The following XYLT1 variants were observed in gnomAD, a reference collection of about 807,000 sequenced individuals.
XYLT1 encodes beta-D-xylosyltransferase 1.
In XYLT1, 36 loss-of-function variants were observed where a neutral mutation model predicts 91.3. That is an observed-to-expected ratio of 0.39 (90% CI 0.30 to 0.52). The LOEUF is 0.52. XYLT1 is among the 20% of genes least tolerant of loss of function. XYLT1 has a pLI of 0.68. For synonymous variants in XYLT1, 588 were observed against 532.0 expected (o/e 1.11, Z -1.45); for missense variants, 1,242 against 1,284.5 (o/e 0.97, Z 0.51).
At chr16:17,132,343 A>C (rs2030515429) in intron 9 of XYLT1, among the ~76,000 whole-genome samples, 1 of 152,098 alleles carries the variant, frequency 6.6e-6, no homozygotes. Flanking sequence ...AGTGTCATAG[A>C]GGAGGTGGTC....
intron 3 of XYLT1, among the ~76,000 whole-genome samples, chr16:17,207,117 G>T (rs139313635): frequency 6.8e-4 from 99 of 145,250 alleles, no homozygotes; most frequent in African/African-American, 2.5e-3. Flanking sequence ...GAGTGCAATG[G>T]TGCAATCTTG....
chr16:17,465,889 T>C (rs538649437), intron 1 of XYLT1, among the ~76,000 whole-genome samples: 3 of 152,096 alleles, frequency 2.0e-5, no homozygotes, highest in Non-Finnish European at 4.4e-5. Context: ...CCCTATGAGG[T>C]AGCTCAGATT....
intron 11 of XYLT1, among the ~76,000 whole-genome samples, chr16:17,111,448 T>C (rs1259057468): frequency 2.0e-5 from 3 of 152,198 alleles, no homozygotes; most frequent in Non-Finnish European, 4.4e-5. Context: ...CTTTACCAAA[T>C]CAGGCTTTGC....
chr16:17,284,880 T>C (rs907955899), intron 2 of XYLT1, among the ~76,000 whole-genome samples: 7 of 152,152 alleles, frequency 4.6e-5, no homozygotes, highest in South Asian at 2.1e-4. Context: ...ATATGGAGAA[T>C]AGACTCATAC....
At chr16:17,216,523 C>CAAA in intron 3 of XYLT1, among the ~76,000 whole-genome samples, 1 of 152,268 alleles carries the variant, frequency 6.6e-6, no homozygotes, top group African/African-American at 2.4e-5. Context: ...GACATTTCTC[C>CAAA]AAATCGTTTC....
intron 1 of XYLT1, among the ~76,000 whole-genome samples, chr16:17,469,620 C>T (rs1264181647): frequency 6.6e-6 from 1 of 152,248 alleles, no homozygotes; most frequent in Non-Finnish European, 1.5e-5. Context: ...AGAGCCCTGA[C>T]TGTTCACACC....
Position 17,134,501 on chromosome 16 carries a change from G to A in XYLT1, c.1999C>T (p.Leu667=), listed in dbSNP as rs1433507585. 1.9e-6 allele frequency: 3 copies of A among 1,614,018 alleles called. No individual in the cohort carries two copies. Among genetic ancestry groups the A allele is most frequent in the African/African-American group, 2.7e-5 (2 of 74,928 alleles). The change falls in exon 9 of 12, where the codon CTG becomes TTG. Residue 667 remains leucine, a synonymous_variant. Coordinates refer to ENST00000261381, the MANE Select transcript of XYLT1 (RefSeq NM_022166.4). ...CAGCTGTTCTCCCCATCCGTGTGCA[G>A]GGACGTCTCGGCCCGTCGAAGACCC... ...RLGLRRAETS[L]HTDGENSCRY...
At chr16:17,145,528 C>T in intron 6 of XYLT1, among the ~76,000 whole-genome samples, 1 of 152,166 alleles carries the variant, frequency 6.6e-6, no homozygotes, top group African/African-American at 2.4e-5. Context: ...ATCTCATCAC[C>T]ATGAATATAG....
intron 6 of XYLT1, among the ~76,000 whole-genome samples, chr16:17,158,284 G>A (rs1397742751): frequency 6.6e-6 from 1 of 152,196 alleles, no homozygotes; most frequent in African/African-American, 2.4e-5. Context: ...GGACACCAGT[G>A]AGGGAGTGAG....
chr16:17,159,689 A>T (rs1336944271), intron 5 of XYLT1, among the ~76,000 whole-genome samples: 1 of 152,228 alleles, frequency 6.6e-6, no homozygotes, highest in Non-Finnish European at 1.5e-5. Flanking sequence ...TGATTGAGAG[A>T]GCTTTAAAAA....
chr16:17,357,832 T>C (rs999247837), intron 2 of XYLT1, among the ~76,000 whole-genome samples, 180 bp downstream of exon 2: 2 of 152,236 alleles, frequency 1.3e-5, no homozygotes, highest in African/African-American at 2.4e-5. Context: ...ACCCACACCA[T>C]TGCACACACG....
intron 3 of XYLT1, among the ~76,000 whole-genome samples, chr16:17,218,424 C>T (rs2032901634): frequency 6.6e-6 from 1 of 151,556 alleles, no homozygotes; most frequent in Admixed American, 6.6e-5. Flanking sequence ...AGGGTAATGA[C>T]AAGAACTTAC....
At chr16:17,313,670 G>C (rs2034585324) in intron 2 of XYLT1, among the ~76,000 whole-genome samples, 1 of 149,740 alleles carries the variant, frequency 6.7e-6, no homozygotes, top group Non-Finnish European at 1.5e-5. Flanking sequence ...TCATTAGAGG[G>C]GAAAACATCC....
intron 2 of XYLT1, among the ~76,000 whole-genome samples, chr16:17,333,779 G>A (rs563719692): frequency 6.6e-6 from 1 of 151,822 alleles, no homozygotes; most frequent in East Asian, 1.9e-4. Context: ...GTAGAGATGG[G>A]GTTTCACCAT....
At chr16:17,239,574 C>G (rs1045148964) in intron 3 of XYLT1, among the ~76,000 whole-genome samples, 21 of 150,174 alleles carry the variant, frequency 1.4e-4, no homozygotes, top group African/African-American at 5.1e-4. Flanking sequence ...GTCCATCCAT[C>G]CATCCACTCA....
intron 6 of XYLT1, among the ~76,000 whole-genome samples, chr16:17,144,194 ATCAC>A (rs2031070718): frequency 6.6e-6 from 1 of 152,202 alleles, no homozygotes; most frequent in Admixed American, 6.5e-5. Context: ...GTTTTTGCTC[ATCAC>A]TCTGTGCCTG....
rs555695340 is a variant in XYLT1 at position 17,164,313 on chromosome 16, A to T, written c.1290-5404T>A. On this transcript the variant is annotated intron_variant, in intron 5 of 11. Transcript: ENST00000261381. The stretch of plus-strand genomic sequence containing the variant: ...CACAAATTTTTTTTTTTTTTTGGAG[A>T]CAGAGTCTTGCCATCTTAACCATTT... Among the ~76,000 whole-genome samples, 3 of 147,274 alleles carry T rather than the reference A, an allele frequency of 2.0e-5. No individual in the cohort carries two copies. The South Asian group carries it at 6.4e-4, about 31-fold the overall frequency.
intron 2 of XYLT1, among the ~76,000 whole-genome samples, chr16:17,313,055 T>C (rs906171911): frequency 1.1e-4 from 17 of 152,352 alleles, no homozygotes; most frequent in African/African-American, 3.8e-4. Flanking sequence ...CCCAGCCTTG[T>C]TGGCTCCTGG....
intron 3 of XYLT1, among the ~76,000 whole-genome samples, chr16:17,242,886 C>T (rs905674893): frequency 1.3e-5 from 2 of 152,192 alleles, no homozygotes; most frequent in Non-Finnish European, 2.9e-5. Context: ...TGGTGACTGG[C>T]TTATTTCACT....
Sources: allele counts gnomAD v4.1 joint callset (sites outside exome capture counted in the v4.1 genomes callset), GRCh38; gene constraint gnomAD v4.1.1; transcripts MANE v1.5; gene names NCBI Gene and HGNC (gene_info 2026-07-23, HGNC 2026-07-21).